LRRTM4: variants seen among roughly 807,000 people sequenced by gnomAD.
LRRTM4 encodes leucine-rich repeat transmembrane neuronal protein 4.
LRRTM4 carries 25 observed loss-of-function variants against 47.6 expected under a neutral mutation model. That is an observed-to-expected ratio of 0.53 (90% CI 0.38 to 0.73). The LOEUF is 0.73. Ranked by LOEUF, LRRTM4 falls within the 30% of genes least tolerant of loss-of-function variation. The pLI, the probability that LRRTM4 is intolerant of heterozygous loss-of-function variation, is 0.00. For missense variants in LRRTM4, 638 were observed against 713.4 expected (o/e 0.89, Z 1.20); for synonymous variants, 311 against 269.5 (o/e 1.15, Z -1.51).
intron 3 of LRRTM4, among the ~76,000 whole-genome samples, chr2:77,072,273 G>A (rs1680180530): frequency 6.6e-6 from 1 of 152,026 alleles, no homozygotes; most frequent in Non-Finnish European, 1.5e-5. Flanking sequence ...AAAAAGTATA[G>A]GTTAATCTCT....
At chr2:76,804,724 GAT>G (rs1573138265) in intron 3 of LRRTM4, among the ~76,000 whole-genome samples, 1 of 145,284 alleles carries the variant, frequency 6.9e-6, no homozygotes, top group South Asian at 2.1e-4. Context: ...ATAAAACAAT[GAT>G]ATATCATGTT....
At chr2:76,986,340 AG>A (rs1305357042) in intron 3 of LRRTM4, among the ~76,000 whole-genome samples, 1 of 151,976 alleles carries the variant, frequency 6.6e-6, no homozygotes, top group Non-Finnish European at 1.5e-5. Flanking sequence ...TTCATTTCAT[AG>A]TCTTTAACCA....
intron 3 of LRRTM4, among the ~76,000 whole-genome samples, chr2:76,764,834 G>C (rs939704445): frequency 1.3e-5 from 2 of 152,136 alleles, no homozygotes; most frequent in South Asian, 2.1e-4. Context: ...TGACCCAAAG[G>C]CTCTTCAGAG....
intron 3 of LRRTM4, among the ~76,000 whole-genome samples, chr2:76,785,384 A>ATCTT (rs1192175824): frequency 1.3e-5 from 2 of 152,162 alleles, no homozygotes; most frequent in Non-Finnish European, 2.9e-5. Context: ...GTACTTTATA[A>ATCTT]TCTTATACAT....
chr2:76,852,174 GT>G (rs1672018032), intron 3 of LRRTM4, among the ~76,000 whole-genome samples: 1 of 152,116 alleles, frequency 6.6e-6, no homozygotes, highest in Non-Finnish European at 1.5e-5. Flanking sequence ...GAAAGGAGGA[GT>G]TGTATTCCAA....
chr2:76,841,104 G>T (rs966817660), intron 3 of LRRTM4, among the ~76,000 whole-genome samples: 1 of 150,528 alleles, frequency 6.6e-6, no homozygotes, highest in Non-Finnish European at 1.5e-5. Flanking sequence ...CATAAAAAAT[G>T]ATGAGTTCAT....
rs138235605 is a variant in LRRTM4 at position 77,442,884 on chromosome 2, G to A, written c.1551+75434C>T. On this transcript the variant is annotated intron_variant, in intron 3 of 3. Coordinates refer to ENST00000409884, the MANE Select transcript of LRRTM4 (RefSeq NM_001134745.3). Reference sequence around the variant, plus strand: ...TCAAAGATTTTAACTCCAATGGAGAGGATATGGAAGATTAGTCTAAGCATT... The same window carrying A: ...TCAAAGATTTTAACTCCAATGGAGAAGATATGGAAGATTAGTCTAAGCATT... Among the ~76,000 whole-genome samples, 577 of 152,234 alleles carry A rather than the reference G, an allele frequency of 3.8e-3. 4 individuals carry two copies. The highest frequency in any genetic ancestry group is 0.013 in the African/African-American group (546 of 41,556).
intron 3 of LRRTM4, among the ~76,000 whole-genome samples, chr2:76,960,878 A>C (rs1172383386): frequency 6.6e-6 from 1 of 151,510 alleles, no homozygotes; most frequent in Non-Finnish European, 1.5e-5. Context: ...GCACATTTTA[A>C]AAAATAAATG....
At chr2:77,137,987 G>A (rs1558599550) in intron 3 of LRRTM4, among the ~76,000 whole-genome samples, 1 of 152,060 alleles carries the variant, frequency 6.6e-6, no homozygotes, top group Non-Finnish European at 1.5e-5. Flanking sequence ...AGTCCTTAGA[G>A]AACTACCAAC....
intron 3 of LRRTM4, among the ~76,000 whole-genome samples, chr2:77,369,781 T>C (rs2103766042): frequency 6.6e-6 from 1 of 151,902 alleles, no homozygotes; most frequent in East Asian, 1.9e-4. Flanking sequence ...GCTAGAAATC[T>C]TTACAGCCTC....
chr2:76,902,965 T>G (rs1269189711), intron 3 of LRRTM4, among the ~76,000 whole-genome samples: 1 of 152,184 alleles, frequency 6.6e-6, no homozygotes, highest in Admixed American at 6.5e-5. Flanking sequence ...AACTAATAAA[T>G]TGGGTGGGTC....
chr2:76,751,372 C>T (rs1026479254), intron 3 of LRRTM4, among the ~76,000 whole-genome samples: 2 of 152,118 alleles, frequency 1.3e-5, no homozygotes, highest in Non-Finnish European at 2.9e-5. Context: ...AAGAGTATTT[C>T]TCATCAAACA....
intron 3 of LRRTM4, among the ~76,000 whole-genome samples, chr2:77,362,153 G>C (rs1358805610): frequency 6.6e-6 from 1 of 151,162 alleles, no homozygotes; most frequent in Non-Finnish European, 1.5e-5. Flanking sequence ...AAGAAAGAAA[G>C]AAAGAAAGAA....
At chr2:77,000,600 G>A (rs1168342583) in intron 3 of LRRTM4, among the ~76,000 whole-genome samples, 1 of 152,150 alleles carries the variant, frequency 6.6e-6, no homozygotes, top group African/African-American at 2.4e-5. Context: ...TAAGTAAGAT[G>A]AAGTGGAAGG....
chr2:77,069,313 T>A (rs1299484181), intron 3 of LRRTM4, among the ~76,000 whole-genome samples: 1 of 152,066 alleles, frequency 6.6e-6, no homozygotes, highest in Non-Finnish European at 1.5e-5. Flanking sequence ...TTAACATACA[T>A]GTACAGGCTT....
intron 3 of LRRTM4, among the ~76,000 whole-genome samples, chr2:76,939,734 GCTC>G (rs1675072913): frequency 6.6e-6 from 1 of 151,898 alleles, no homozygotes; most frequent in Non-Finnish European, 1.5e-5. Context: ...AGTCCTACAT[GCTC>G]TAATTTTTAA....
At chr2:77,491,998 A>G (rs569924892) in intron 3 of LRRTM4, among the ~76,000 whole-genome samples, 1 of 143,986 alleles carries the variant, frequency 6.9e-6, no homozygotes, top group Admixed American at 7.0e-5. Context: ...ATAAAATCAT[A>G]TTATAAAACA....
chr2:76,911,497 T>C (rs1489418188), intron 3 of LRRTM4, among the ~76,000 whole-genome samples: 1 of 152,224 alleles, frequency 6.6e-6, no homozygotes, highest in African/African-American at 2.4e-5. Flanking sequence ...AAATCCAGTA[T>C]ATCAGAATTA....
At chr2:77,276,599 T>A (rs954566712) in intron 3 of LRRTM4, among the ~76,000 whole-genome samples, 1 of 146,684 alleles carries the variant, frequency 6.8e-6, no homozygotes, top group African/African-American at 2.5e-5. Context: ...AAATAAATAT[T>A]TGTTGGATTA....
Sources: allele counts gnomAD v4.1 joint callset (sites outside exome capture counted in the v4.1 genomes callset), GRCh38; gene constraint gnomAD v4.1.1; transcripts MANE v1.5; gene names NCBI Gene and HGNC (gene_info 2026-07-23, HGNC 2026-07-21).